The following DHX38 variants were observed in gnomAD, a reference collection of about 807,000 sequenced individuals.
The protein encoded by DHX38 is pre-mRNA-splicing factor ATP-dependent RNA helicase PRP16.
A neutral mutation model predicts 153.1 loss-of-function variants in DHX38; 100 were observed. The ratio of observed to expected loss-of-function variants is 0.65; its 90% CI spans 0.56 to 0.77. The LOEUF (loss-of-function observed/expected upper bound fraction) is 0.77, where lower values mean the gene tolerates loss of function less well. DHX38 is among the 30% of genes least tolerant of loss of function. The probability of loss-of-function intolerance (pLI) is 0.00; values close to 1 mark genes in which losing one functional copy is unlikely to be tolerated. For missense variants in DHX38, 1,440 were observed against 1,654.0 expected (o/e 0.87, Z 2.24); for synonymous variants, 650 against 631.7 (o/e 1.03, Z -0.43).
In DHX38 at chr16:72,104,714, G is replaced by T. The variant is rs368533333; in HGVS notation, c.2151+88G>T. 1.0e-4 allele frequency: 157 copies of T among 1,574,858 alleles called. No homozygotes were observed. The highest frequency in any genetic ancestry group is 8.9e-4 in the Admixed American group (52 of 58,672). On this transcript the variant is annotated intron_variant, in intron 15 of 26. Coordinates refer to ENST00000268482, the MANE Select transcript of DHX38 (RefSeq NM_014003.4). This position sits in a 1 kb window ranked among gnomAD's most constrained non-coding sequence, Gnocchi z 4.5. ...CGGCTGGAGGGTGGAGGGTGGGTAG[G>T]GGACTGGGTTGGAGAAGATTTCCTG...
At position 72,103,539 on chromosome 16, in the gene DHX38, T is replaced by C. The variant is rs530981654; in HGVS notation, c.1638-63T>C. On this transcript the variant is annotated intron_variant, in intron 12 of 26. Transcript: ENST00000268482. ...GGGGATAGGAGGTAGCGGAGTCTTC[T>C]TGGAGGCTGGGTGTTGGCCTTCCAC... 182 of 1,557,278 alleles carry C rather than the reference T, an allele frequency of 1.2e-4. No homozygotes were observed. In the Middle Eastern group the frequency reaches 2.0e-3, roughly 17 times the overall value.
chr16:72,103,385 A>G (rs2042126810), intron 12 of DHX38, among the ~76,000 whole-genome samples, 174 bp downstream of exon 12: 1 of 152,190 alleles, frequency 6.6e-6, no homozygotes, highest in Non-Finnish European at 1.5e-5. Context: ...GGATGGCACC[A>G]TTTTGTTTTA....
intron 12 of DHX38, 78 bp from the exon 13 acceptor site, chr16:72,103,524 G>A (rs2042128526): frequency 1.5e-5 from 22 of 1,485,136 alleles, no homozygotes; most frequent in Non-Finnish European, 1.8e-5. Context: ...GGGGATAGGA[G>A]GTAGCGGAGT....
rs1046954045 is a variant in DHX38 at position 72,109,501 on chromosome 16, G to A, written c.3468G>A (p.Lys1156=). The change falls in exon 25 of 27, where the codon AAG becomes AAA. Residue 1156 remains lysine (K), a synonymous_variant. Transcript: ENST00000268482. The part of the protein sequence containing the change: ...PMFYSVKQAG[K]SRQENRRRAK... Reference sequence around the variant, plus strand: ...TCTATAGCGTGAAACAGGCGGGCAAGTCACGGCAGGTGAGGATTCTGTGCT... The same window carrying A: ...TCTATAGCGTGAAACAGGCGGGCAAATCACGGCAGGTGAGGATTCTGTGCT... 1.9e-6 allele frequency: 3 copies of A among 1,611,752 alleles called. No individual in the cohort carries two copies. Among genetic ancestry groups the A allele is most frequent in the African/African-American group, 2.7e-5 (2 of 74,810 alleles).
At position 72,110,941 on chromosome 16, in the gene DHX38, G is replaced by T. The variant is rs1164509058; in HGVS notation, c.3478-15G>T. On this transcript the variant is annotated splice_polypyrimidine_tract_variant and intron_variant, in intron 25 of 26. Transcript: ENST00000268482. ...GTCCCCAGTAGGCTCAGCCAGGTCT[G>T]TCCCTCTTCAATAGGAGAACCGTCG... 7 of 1,579,160 alleles carry T rather than the reference G, an allele frequency of 4.4e-6. No individual in the cohort carries two copies. The East Asian group carries it at 1.2e-4, about 26-fold the overall frequency.
intron 26 of DHX38, among the ~76,000 whole-genome samples, chr16:72,111,532 G>T (rs541902972): frequency 2.0e-4 from 30 of 152,322 alleles, no homozygotes; most frequent in Admixed American, 2.0e-3. Context: ...ACCCCTGCAG[G>T]TTCAGTATTT....
At position 72,107,132 on chromosome 16, in the gene DHX38, A is replaced by T. The variant is rs912497430; in HGVS notation, c.2601-208A>T. ...TGGGCAACAGAGTGAGACTCTGTCT[A>T]AAAAAAAAAGAAATGAAACATGTAA... On this transcript the variant is annotated intron_variant, in intron 19 of 26. Coordinates refer to ENST00000268482, the MANE Select transcript of DHX38 (RefSeq NM_014003.4). The surrounding 1 kb of genome is among the most constrained non-coding windows in gnomAD (Gnocchi z 5.3). Among the ~76,000 whole-genome samples, 1 of 149,330 alleles carries T rather than the reference A, an allele frequency of 6.7e-6. No individual in the cohort carries two copies. The highest frequency in any genetic ancestry group is 2.5e-5 in the African/African-American group (1 of 40,628).
rs780220340 is a variant in DHX38, at chr16:72,096,281, C to T, written c.124C>T (p.Pro42Ser). The T allele has an allele frequency of 1.8e-5, 29 of 1,614,076 alleles. No individual in the cohort carries two copies. The highest frequency in any genetic ancestry group is 5.0e-5 in the Admixed American group (3 of 60,006). Reference protein sequence around the residue: ...AASEQHVFKAPAPRPSLLGLD... With the variant: ...AASEQHVFKASAPRPSLLGLD... ...CAGCGAGCAGCATGTCTTCAAGGCT[C>T]CTGCTCCCCGCCCTTCATTACTCGG... The change falls in exon 2 of 27, where the codon CCT becomes TCT. Residue 42 changes from proline (P) to serine (S), a missense_variant. Physicochemically the swap from Pro to Ser is moderately conservative, Grantham distance 74. Coordinates refer to ENST00000268482, the MANE Select transcript of DHX38 (RefSeq NM_014003.4).
chr16:72,105,901 T>A (rs766138466), intron 18 of DHX38, 104 bp from the exon 19 acceptor site: 2 of 1,056,132 alleles, frequency 1.9e-6, no homozygotes, highest in Non-Finnish European at 2.9e-6. Context: ...GCCTCCTGGC[T>A]CTTCCTCTGC....
intron 23 of DHX38, 81 bp from the exon 24 acceptor site, chr16:72,108,719 T>C (rs970521253): frequency 1.6e-5 from 25 of 1,592,206 alleles, no homozygotes; most frequent in Non-Finnish European, 2.0e-5. Context: ...AAAGGCTGTG[T>C]CAAGAGTGTT....
intron 3 of DHX38, 186 bp from the exon 4 acceptor site, chr16:72,097,491 T>C (rs2042037284): frequency 5.4e-6 from 3 of 555,048 alleles, no homozygotes; most frequent in Non-Finnish European, 9.6e-6. Context: ...TGAAATTTTC[T>C]AGGCAGTAAC....
chr16:72,097,753 A>G lies in DHX38; in HGVS notation c.588A>G (p.Glu196=), dbSNP rs775129865. The G allele has an allele frequency of 1.4e-5, 23 of 1,613,790 alleles. No homozygotes were observed. The highest frequency in any genetic ancestry group is 1.5e-5 in the Non-Finnish European group (18 of 1,179,892). ...CAGAGCGTAGCAGCAGAAGAAATGA[A>G]CCCGAGAGCCCACGACATCGACCTA... ...GGSERSSRRN[E]PESPRHRPKD... The change falls in exon 4 of 27, where the codon GAA becomes GAG. Residue 196 remains glutamate (E), a synonymous_variant. Coordinates refer to ENST00000268482, the MANE Select transcript of DHX38 (RefSeq NM_014003.4).
intron 7 of DHX38, 151 bp downstream of exon 7, chr16:72,099,431 C>G (rs776341819): frequency 5.4e-5 from 41 of 756,550 alleles, no homozygotes; most frequent in Admixed American, 2.9e-4. Flanking sequence ...ATAGACGGCA[C>G]GGTGAACCCT....
Position 72,104,982 on chromosome 16 carries a change from C to A in DHX38, c.2152-45C>A, listed in dbSNP as rs771609018. 15 of 1,578,532 alleles carry A rather than the reference C, an allele frequency of 9.5e-6. No homozygotes were observed. The highest frequency in any genetic ancestry group is 1.8e-4 in the Middle Eastern group (1 of 5,708). Reference sequence around the variant, plus strand: ...GGGCTCCCAGGAGATGCCCGGCCTGCGCTTCTAGTACCTCCCTCTGACTGT... The same window carrying A: ...GGGCTCCCAGGAGATGCCCGGCCTGAGCTTCTAGTACCTCCCTCTGACTGT... On this transcript the variant is annotated intron_variant, in intron 15 of 26. Coordinates refer to ENST00000268482, the MANE Select transcript of DHX38 (RefSeq NM_014003.4). This position sits in a 1 kb window ranked among gnomAD's most constrained non-coding sequence, Gnocchi z 4.5.
intron 9 of DHX38, 131 bp downstream of exon 9, chr16:72,100,728 C>T: frequency 7.6e-7 from 1 of 1,319,472 alleles, no homozygotes; most frequent in Non-Finnish European, 1.0e-6. Context: ...ACCAGGAGTT[C>T]AAGGCCTGCC....
In DHX38 at chr16:72,107,577, G is replaced by A; in HGVS notation, c.2809+29G>A. On this transcript the variant is annotated intron_variant, in intron 20 of 26. Transcript: ENST00000268482. This position sits in a 1 kb window ranked among gnomAD's most constrained non-coding sequence, Gnocchi z 5.3. ...AGGCGGCCCCGGGAGCCTCATGGGTGCTGGCGCTTGACTTCCTTCTTTCCT... is the reference window on the plus strand; with the variant it reads ...AGGCGGCCCCGGGAGCCTCATGGGTACTGGCGCTTGACTTCCTTCTTTCCT... The A allele has an allele frequency of 6.2e-7, 1 of 1,609,742 alleles. No individual in the cohort carries two copies. The highest frequency in any genetic ancestry group is 8.5e-7 in the Non-Finnish European group (1 of 1,176,434).
rs370658428 is a variant in DHX38, at chr16:72,101,654, G to C, written c.1499+42G>C. ...AGCAGCACATCAGCCTTGCTCCAAA[G>C]ATGGGGGCCCATGTGGGCAGTTGCG... On this transcript the variant is annotated intron_variant, in intron 11 of 26. Transcript: ENST00000268482. The C allele has an allele frequency of 6.8e-4, 1,031 of 1,522,810 alleles. 17 individuals carry two copies. In the South Asian group the frequency reaches 9.5e-3, roughly 14 times the overall value. The allele number at this position is 1,522,810 out of a possible 1,614,324, so 94.3% of individuals were successfully genotyped here.
At chr16:72,112,304 C>T (rs2042266924) in intron 26 of DHX38, 109 bp from the exon 27 acceptor site, 1 of 1,074,072 alleles carries the variant, frequency 9.3e-7, no homozygotes, top group Non-Finnish European at 1.4e-6. Flanking sequence ...CGGCCCAGAG[C>T]TCCCCACCAT....
chr16:72,104,678 T>C lies in DHX38; in HGVS notation c.2151+52T>C, dbSNP rs778254766. On this transcript the variant is annotated intron_variant, in intron 15 of 26. Transcript: ENST00000268482. This position sits in a 1 kb window ranked among gnomAD's most constrained non-coding sequence, Gnocchi z 4.5. ...GACCCTTCCATGCCACGCACTTCTC[T>C]GATGCGAAGCCGGCTGGAGGGTGGA... 6.2e-7 allele frequency: 1 copy of C among 1,609,150 alleles called. No individual in the cohort carries two copies. Among genetic ancestry groups the C allele is most frequent in the South Asian group, 1.1e-5 (1 of 90,932 alleles).
Sources: gnomAD v4.1 joint callset for allele counts (sites outside exome capture counted in the v4.1 genomes callset) on GRCh38, gnomAD v4.1.1 for gene constraint, Gnocchi (gnomAD v3.1) non-coding constraint, MANE v1.5 for transcripts, NCBI Gene and HGNC (gene_info 2026-07-23, HGNC 2026-07-21) for gene names.